Variants in NIPBL observed in about 807,000 individuals in gnomAD.
NIPBL encodes the protein NIPBL cohesin loading factor.
In NIPBL, 19 loss-of-function variants were observed where a neutral mutation model predicts 321.8. That is an observed-to-expected ratio of 0.06 (90% CI 0.04 to 0.09). NIPBL has a LOEUF of 0.09. NIPBL is among the 10% of genes least tolerant of loss of function. The probability of loss-of-function intolerance (pLI) is 1.00; values close to 1 mark genes in which losing one functional copy is unlikely to be tolerated. For missense variants in NIPBL, 2,210 were observed against 3,327.0 expected, an observed-to-expected ratio of 0.66 and a Z score of 8.26; for synonymous variants, 1,106 against 1,114.1, an observed-to-expected ratio of 0.99 and a Z score of 0.14.
In NIPBL at chr5:37,003,012, T is replaced by G. The variant is rs186684653; in HGVS notation, c.3768+247T>G. On this transcript the variant is annotated intron_variant, in intron 15 of 46. Coordinates refer to ENST00000282516, the MANE Select transcript of NIPBL (RefSeq NM_133433.4). ...CATGGACTTTAATTTTTTCCAGAGT[T>G]TTTTTTTTTCATTTTCTCAAATATT... Among the ~76,000 whole-genome samples the G allele has an allele frequency of 2.8e-3, 421 of 149,468 alleles. 5 individuals carry two copies. Among genetic ancestry groups the G allele is most frequent in the Admixed American group, 4.5e-3 (68 of 15,124 alleles).
chr5:36,885,511 C>T, intron 1 of NIPBL: 1 of 510,494 alleles, frequency 2.0e-6, no homozygotes, highest in Non-Finnish European at 3.9e-6. Context: ...GCCTAGAGAC[C>T]AAGAACCAGA....
intron 21 of NIPBL, among the ~76,000 whole-genome samples, chr5:37,012,953 C>T (rs1748352023): frequency 1.3e-5 from 2 of 152,248 alleles, no homozygotes; most frequent in African/African-American, 4.8e-5. Context: ...CCATTGTCAT[C>T]ATGGCCCGTT....
rs999071192 is a variant in NIPBL, at chr5:37,058,256, T to C, written c.7411-635T>C. Among the ~76,000 whole-genome samples the C allele has an allele frequency of 3.3e-5, 5 of 152,216 alleles. No individual in the cohort carries two copies. The South Asian group carries it at 8.3e-4, about 25-fold the overall frequency. On this transcript the variant is annotated intron_variant, in intron 43 of 46. Coordinates refer to ENST00000282516, the MANE Select transcript of NIPBL (RefSeq NM_133433.4). ...GAGAAGTTAATAATTTCCCAGGAGC[T>C]TTAGCCCTCATGTTCTCTTATTTTA...
At chr5:37,029,897 C>G (rs1750759789) in intron 32 of NIPBL, among the ~76,000 whole-genome samples, 1 of 152,064 alleles carries the variant, frequency 6.6e-6, no homozygotes, top group Non-Finnish European at 1.5e-5. Context: ...TCATTTCTTT[C>G]CTAAATCAAA....
chr5:37,052,025 T>C (rs577974315), intron 41 of NIPBL, 139 bp downstream of exon 41: 1 of 735,266 alleles, frequency 1.4e-6, no homozygotes, highest in African/African-American at 1.7e-5. Context: ...TGCAACTAAG[T>C]TAGTCTTCCA....
At chr5:36,890,257 C>T (rs928529374) in intron 1 of NIPBL, among the ~76,000 whole-genome samples, 1 of 152,014 alleles carries the variant, frequency 6.6e-6, no homozygotes, top group Non-Finnish European at 1.5e-5. Flanking sequence ...GTTTTTTCCC[C>T]CTTTAGGGGC....
At chr5:36,952,373 G>T (rs142292394) in intron 1 of NIPBL, among the ~76,000 whole-genome samples, 4 of 151,988 alleles carry the variant, frequency 2.6e-5, no homozygotes, top group Non-Finnish European at 5.9e-5. Context: ...TTACAATTCC[G>T]TTTTTAATCT....
At chr5:36,990,475 T>C (rs1335295236) in intron 10 of NIPBL, among the ~76,000 whole-genome samples, 2 of 152,224 alleles carry the variant, frequency 1.3e-5, no homozygotes, top group Admixed American at 1.3e-4. Context: ...GATTGTAATA[T>C]TGAATAATAT....
At chr5:36,890,782 G>A (rs1313043762) in intron 1 of NIPBL, among the ~76,000 whole-genome samples, 1 of 152,204 alleles carries the variant, frequency 6.6e-6, no homozygotes, top group Admixed American at 6.5e-5. Flanking sequence ...TAAGGATATT[G>A]TAGATTGGAA....
In NIPBL at chr5:37,064,341, T is replaced by C. The variant is rs899963266; in HGVS notation, c.8050-186T>C. 7.1e-6 allele frequency: 7 copies of C among 985,154 alleles called. No individual in the cohort carries two copies. The African/African-American group carries it at 1.0e-4, about 15-fold the overall frequency. The allele number at this position is 985,154 out of a possible 1,614,324, so 61.0% of individuals were successfully genotyped here. Reference sequence around the variant, plus strand: ...ACACGGGTACAAATTAAGAGTTATATGGTTTTACAAGTATATGTTAACCCC... The same window carrying C: ...ACACGGGTACAAATTAAGAGTTATACGGTTTTACAAGTATATGTTAACCCC... On this transcript the variant is annotated intron_variant, in intron 46 of 46. Transcript: ENST00000282516.
chr5:37,017,249 T>C, intron 24 of NIPBL, 87 bp downstream of exon 24: 1 of 1,305,136 alleles, frequency 7.7e-7, no homozygotes. Flanking sequence ...TTTCATTTTG[T>C]GTGGATTCAA....
At chr5:36,921,607 CA>C (rs776261303) in intron 1 of NIPBL, among the ~76,000 whole-genome samples, 1 of 151,416 alleles carries the variant, frequency 6.6e-6, no homozygotes, top group Non-Finnish European at 1.5e-5. Context: ...TTGAAGCTTA[CA>C]AAAAAAATAG....
chr5:37,013,318 C>A (rs1461148687), intron 21 of NIPBL, among the ~76,000 whole-genome samples: 1 of 150,648 alleles, frequency 6.6e-6, no homozygotes, highest in Non-Finnish European at 1.5e-5. Context: ...ACCTCCCTCC[C>A]GGACGGGGCG....
At chr5:36,956,340 A>G (rs1397282030) in intron 3 of NIPBL, among the ~76,000 whole-genome samples, 1 of 152,166 alleles carries the variant, frequency 6.6e-6, no homozygotes, top group African/African-American at 2.4e-5. Flanking sequence ...ATTCCACCAC[A>G]CAATGTTACT....
intron 14 of NIPBL, 21 bp from the exon 15 acceptor site, chr5:37,002,641 T>G: frequency 6.8e-7 from 1 of 1,475,042 alleles, no homozygotes; most frequent in African/African-American, 1.4e-5. Context: ...TTGTTTGTGT[T>G]TGTTTGGCTT....
intron 1 of NIPBL, among the ~76,000 whole-genome samples, chr5:36,889,747 A>C (rs1746178118): frequency 6.6e-6 from 1 of 152,156 alleles, no homozygotes; most frequent in Non-Finnish European, 1.5e-5. Flanking sequence ...GTTTTATAAA[A>C]ATTTTATAAT....
intron 3 of NIPBL, among the ~76,000 whole-genome samples, chr5:36,956,622 T>G (rs1740983329): frequency 7.4e-6 from 1 of 134,896 alleles, no homozygotes; most frequent in Non-Finnish European, 1.6e-5. Context: ...ACTTCTTTTT[T>G]TTTTTTTTTT....
At chr5:37,051,972 T>C in intron 41 of NIPBL, 86 bp downstream of exon 41, 1 of 947,910 alleles carries the variant, frequency 1.1e-6, no homozygotes, top group Non-Finnish European at 1.7e-6. Context: ...CCCACATTCA[T>C]AATTGGAATA....
At position 36,984,869 on chromosome 5, in the gene NIPBL, C is replaced by T; in HGVS notation, c.1689C>T (p.Ser563=). ...CTTCTATAACTCAGGATTCAGACTC[C>T]ATAAAAAAGCCTGAAGAAATCAAAC... ...SQASITQDSD[S]IKKPEEIKQC... is the part of the protein sequence containing the mutation. Residue 563 remains serine, a synonymous_variant, in exon 10 of 47, where the codon TCC becomes TCT. Coordinates refer to ENST00000282516, the MANE Select transcript of NIPBL (RefSeq NM_133433.4). 1 of 1,613,742 alleles carries T rather than the reference C, an allele frequency of 6.2e-7. No individual in the cohort carries two copies. The highest frequency in any genetic ancestry group is 2.2e-5 in the East Asian group (1 of 44,862).
Sources: allele counts gnomAD v4.1 joint callset (sites outside exome capture counted in the v4.1 genomes callset), GRCh38; gene constraint gnomAD v4.1.1; transcripts MANE v1.5; gene names NCBI Gene and HGNC (gene_info 2026-07-23, HGNC 2026-07-21).